PAPPA: variants seen among roughly 807,000 people sequenced by gnomAD.
PAPPA encodes the protein pappalysin-1.
Under a neutral mutation model 164.0 loss-of-function variants are expected in PAPPA, and 60 were observed. The observed-to-expected ratio is 0.37, with a 90% CI of 0.30 to 0.45. PAPPA has a LOEUF of 0.45. Among genes scored for constraint, PAPPA ranks in the 20% least tolerant of loss-of-function variants. The probability of loss-of-function intolerance (pLI) is 1.00; values close to 1 mark genes in which losing one functional copy is unlikely to be tolerated. For missense variants in PAPPA, 1,782 were observed against 2,087.3 expected (o/e 0.85, Z 2.85); for synonymous variants, 875 against 814.1 (o/e 1.07, Z -1.27).
chr9:116,391,236 A>C (rs1171390208), intron 21 of PAPPA, among the ~76,000 whole-genome samples: 1 of 152,206 alleles, frequency 6.6e-6, no homozygotes, highest in East Asian at 1.9e-4. Context: ...CAGGTACTGT[A>C]TCCATCCTAC....
At chr9:116,179,599 G>C (rs1176954744) in intron 1 of PAPPA, among the ~76,000 whole-genome samples, 1 of 152,190 alleles carries the variant, frequency 6.6e-6, no homozygotes, top group African/African-American at 2.4e-5. Context: ...GGAGGGATGA[G>C]GATGCTGAGG....
chr9:116,301,896 AT>A (rs1845583517), intron 9 of PAPPA, among the ~76,000 whole-genome samples: 1 of 152,240 alleles, frequency 6.6e-6, no homozygotes, highest in Non-Finnish European at 1.5e-5. Flanking sequence ...TAACAGAGCA[AT>A]TTGGTTTCAG....
At chr9:116,352,111 C>G (rs1846289911) in intron 15 of PAPPA, among the ~76,000 whole-genome samples, 1 of 152,240 alleles carries the variant, frequency 6.6e-6, no homozygotes, top group African/African-American at 2.4e-5. Flanking sequence ...GGAAGTGCTG[C>G]TCTTTCACCT....
At chr9:116,268,355 C>G (rs919967988) in intron 8 of PAPPA, among the ~76,000 whole-genome samples, 1 of 152,176 alleles carries the variant, frequency 6.6e-6, no homozygotes, top group Non-Finnish European at 1.5e-5. Flanking sequence ...CAAATTCCAG[C>G]TTTTGATAAA....
intron 4 of PAPPA, among the ~76,000 whole-genome samples, chr9:116,218,910 G>A (rs1225200506): frequency 6.6e-6 from 1 of 152,136 alleles, no homozygotes; most frequent in Non-Finnish European, 1.5e-5. Flanking sequence ...AAACTCCAGA[G>A]AAGGAAAGGG....
intron 10 of PAPPA, among the ~76,000 whole-genome samples, chr9:116,317,780 C>T (rs1212329528): frequency 6.6e-6 from 1 of 152,206 alleles, no homozygotes; most frequent in Non-Finnish European, 1.5e-5. Flanking sequence ...TTTTCTACTG[C>T]TGGCAATAGC....
At chr9:116,250,853 CAG>C (rs773618831) in intron 7 of PAPPA, among the ~76,000 whole-genome samples, 6 of 152,302 alleles carry the variant, frequency 3.9e-5, no homozygotes, top group Admixed American at 1.3e-4. Context: ...CCCTATGTAA[CAG>C]AGTGTTGGAC....
chr9:116,348,018 A>C (rs143164033), intron 15 of PAPPA, among the ~76,000 whole-genome samples: 248 of 152,278 alleles, frequency 1.6e-3, no homozygotes, highest in African/African-American at 5.6e-3. Flanking sequence ...ATTGTGGCTA[A>C]TAATAATACT....
intron 7 of PAPPA, among the ~76,000 whole-genome samples, chr9:116,248,112 C>G (rs968450179): frequency 1.3e-5 from 2 of 152,226 alleles, no homozygotes; most frequent in African/African-American, 4.8e-5. Context: ...GGCAAACACT[C>G]TGACACATAC....
At chr9:116,358,983 C>G (rs1317947005) in intron 17 of PAPPA, among the ~76,000 whole-genome samples, 1 of 152,192 alleles carries the variant, frequency 6.6e-6, no homozygotes, top group Non-Finnish European at 1.5e-5. Context: ...ATTGGACTCA[C>G]ATGATCCTCA....
At chr9:116,203,885 G>T (rs1844200769) in intron 2 of PAPPA, among the ~76,000 whole-genome samples, 1 of 152,124 alleles carries the variant, frequency 6.6e-6, no homozygotes, top group South Asian at 2.1e-4. Context: ...CATTCTTAAG[G>T]GTTGGGCATA....
intron 1 of PAPPA, among the ~76,000 whole-genome samples, chr9:116,178,129 G>A (rs142392253): frequency 1.7e-4 from 26 of 152,230 alleles, no homozygotes; most frequent in Non-Finnish European, 3.2e-4. Flanking sequence ...TGTTTGAGAC[G>A]GAGTTTCGCT....
In PAPPA at chr9:116,399,928, A is replaced by T. The variant is rs1386164213; in HGVS notation, c.*3312A>T. ...GCTTAAATACTATTTGTTGAAAATAATTCTTTGAGACAGATTTCAGCTACC... is the reference window on the plus strand; with the variant it reads ...GCTTAAATACTATTTGTTGAAAATATTTCTTTGAGACAGATTTCAGCTACC... On this transcript the variant is annotated 3_prime_UTR_variant, in exon 22 of 22. Coordinates refer to ENST00000328252, the MANE Select transcript of PAPPA (RefSeq NM_002581.5). 3 of 152,588 alleles carry T rather than the reference A, an allele frequency of 2.0e-5. No individual in the cohort carries two copies. Among genetic ancestry groups the T allele is most frequent in the Non-Finnish European group, 4.4e-5 (3 of 68,032 alleles). 9.5% of individuals were successfully genotyped at this position (152,588 alleles called of 1,614,324 possible).
chr9:116,173,661 C>T (rs1424461949), intron 1 of PAPPA, among the ~76,000 whole-genome samples: 1 of 152,140 alleles, frequency 6.6e-6, no homozygotes, highest in Admixed American at 6.5e-5. Flanking sequence ...CGAGAGTGAC[C>T]TTTAGGTGGA....
At chr9:116,333,528 T>C (rs765138963) in intron 12 of PAPPA, among the ~76,000 whole-genome samples, 6 of 152,138 alleles carry the variant, frequency 3.9e-5, no homozygotes, top group Non-Finnish European at 7.4e-5. Context: ...TTCAAAGACC[T>C]GTATGAAGCA....
intron 10 of PAPPA, among the ~76,000 whole-genome samples, chr9:116,314,060 CTTTT>C (rs57871796): frequency 1.4e-4 from 10 of 69,696 alleles, no homozygotes; most frequent in African/African-American, 3.0e-4. Flanking sequence ...TGCATCGAAT[CTTTT>C]TTTTTTTTTT....
chr9:116,194,832 T>C (rs1844084656), intron 2 of PAPPA, among the ~76,000 whole-genome samples: 1 of 152,132 alleles, frequency 6.6e-6, no homozygotes, highest in South Asian at 2.1e-4. Context: ...TACAGGCTCA[T>C]AAAAAAAGGC....
intron 7 of PAPPA, among the ~76,000 whole-genome samples, chr9:116,254,148 A>C (rs903157805): frequency 6.6e-6 from 1 of 152,062 alleles, no homozygotes; most frequent in Admixed American, 6.5e-5. Context: ...CAGCCCCTAC[A>C]TTTTTTAGGC....
chr9:116,307,111 G>C (rs1297530788), intron 10 of PAPPA, among the ~76,000 whole-genome samples: 1 of 152,170 alleles, frequency 6.6e-6, no homozygotes, highest in Non-Finnish European at 1.5e-5. Flanking sequence ...AGGCATTCAG[G>C]CTGGACAGCT....
Sources: gnomAD v4.1 joint callset for allele counts (sites outside exome capture counted in the v4.1 genomes callset) on GRCh38, gnomAD v4.1.1 for gene constraint, MANE v1.5 for transcripts, NCBI Gene and HGNC (gene_info 2026-07-23, HGNC 2026-07-21) for gene names.